The following CHRD variants were observed in gnomAD, a reference collection of about 807,000 sequenced individuals.
CHRD encodes the protein chordin.
In CHRD, 69 loss-of-function variants were observed where a neutral mutation model predicts 113.7. That is an observed-to-expected ratio of 0.61 (90% CI 0.50 to 0.74). The LOEUF is 0.74. Ranked by LOEUF, CHRD falls within the 30% of genes least tolerant of loss-of-function variation. The probability of loss-of-function intolerance (pLI) is 0.00; values close to 1 mark genes in which losing one functional copy is unlikely to be tolerated. For synonymous variants in CHRD, 561 were observed against 540.8 expected, an observed-to-expected ratio of 1.04 and a Z score of -0.52; for missense variants, 1,194 against 1,295.8, an observed-to-expected ratio of 0.92 and a Z score of 1.21.
chr3:184,383,330 G>C, exon 11 of CHRD: 1 of 1,613,806 alleles, frequency 6.2e-7, no homozygotes, highest in Non-Finnish European at 8.5e-7. Context: ...AGTGTCCTTT[G>C]TGGGGCTGAT....
chr3:184,380,987 G>T lies in CHRD; in HGVS notation c.252+192G>T. 1.4e-6 allele frequency: 1 copy of T among 733,072 alleles called. No homozygotes were observed. Among genetic ancestry groups the T allele is most frequent in the Non-Finnish European group, 2.4e-6 (1 of 413,446 alleles). 45.4% of individuals were successfully genotyped at this position (733,072 alleles called of 1,614,324 possible). A position where few individuals can be genotyped will look rare whatever the true frequency, so the allele number is the denominator to read the frequency against. On this transcript the variant is annotated intron_variant, in intron 2 of 22. Transcript: ENST00000204604. The surrounding 1 kb of genome is among the most constrained non-coding windows in gnomAD (Gnocchi z 6.3). ...TTACTGATCGCCCACTCTGTGTGAG[G>T]CTCTGTGCCAACTCCGTTTCGTTCC...
chr3:184,387,531 G>A lies in CHRD; in HGVS notation c.2451+54G>A. 1 of 1,485,072 alleles carries A rather than the reference G, an allele frequency of 6.7e-7. No homozygotes were observed. Among genetic ancestry groups the A allele is most frequent in the Non-Finnish European group, 9.0e-7 (1 of 1,106,456 alleles). 92.0% of individuals were successfully genotyped at this position (1,485,072 alleles called of 1,614,324 possible). On this transcript the variant is annotated intron_variant, in intron 19 of 22. Coordinates refer to ENST00000204604, the Ensembl canonical transcript of CHRD. The surrounding 1 kb of genome is among the most constrained non-coding windows in gnomAD (Gnocchi z 6.1). Reference sequence around the variant, plus strand: ...ATAACCCAGCGGGGTCTGCAGAGATGGGGAGGGGCTGCCAGGTGAGGAAGG... The same window carrying A: ...ATAACCCAGCGGGGTCTGCAGAGATAGGGAGGGGCTGCCAGGTGAGGAAGG...
chr3:184,382,142 C>A, intron 6 of CHRD, 122 bp downstream of exon 6: 14 of 1,364,224 alleles, frequency 1.0e-5, no homozygotes, highest in Non-Finnish European at 1.2e-5. Context: ...CATTATGATG[C>A]CCATTTTACA....
rs1403606195 is a variant in CHRD, at chr3:184,388,405, A to G, written c.2555-182A>G. Among the ~76,000 whole-genome samples the G allele has an allele frequency of 6.6e-6, 1 of 150,798 alleles. No homozygotes were observed. The highest frequency in any genetic ancestry group is 1.5e-5 in the Non-Finnish European group (1 of 67,878). On this transcript the variant is annotated intron_variant, in intron 20 of 22. Coordinates refer to ENST00000204604, the Ensembl canonical transcript of CHRD. The surrounding 1 kb of genome is among the most constrained non-coding windows in gnomAD (Gnocchi z 6.1). Reference sequence around the variant, plus strand: ...CATTGATGCATCCATCCATCCATCCATCCATCCATCCATCCATCCATCCAT... The same window carrying G: ...CATTGATGCATCCATCCATCCATCCGTCCATCCATCCATCCATCCATCCAT...
chr3:184,380,824 C>G lies in CHRD; in HGVS notation c.252+29C>G, dbSNP rs772927377. The G allele has an allele frequency of 1.1e-5, 17 of 1,527,112 alleles. No homozygotes were observed. The highest frequency in any genetic ancestry group is 1.4e-5 in the Non-Finnish European group (16 of 1,139,686). 94.6% of individuals were successfully genotyped at this position (1,527,112 alleles called of 1,614,324 possible). On this transcript the variant is annotated intron_variant, in intron 2 of 22. Coordinates refer to ENST00000204604, the Ensembl canonical transcript of CHRD. This position sits in a 1 kb window ranked among gnomAD's most constrained non-coding sequence, Gnocchi z 6.3. ...AGTGCACCCCGCGGCCGGCCCGGGC[C>G]CTGGCGGGTGGGGAGCGCCGGGTCG...
rs147419232 is a variant in CHRD, at chr3:184,384,650, C to T, written c.1554C>T (p.His518=). ...TCCCAGACGGAGAGCTTCGGGGGCACGTGGCTGCCCTGCCCTACTGTGGGC... is the reference window on the plus strand; with the variant it reads ...TCCCAGACGGAGAGCTTCGGGGGCATGTGGCTGCCCTGCCCTACTGTGGGC... Residue 518 remains histidine, a synonymous_variant, in exon 13 of 23, where the codon CAC becomes CAT. Coordinates refer to ENST00000204604, the Ensembl canonical transcript of CHRD. This position sits in a 1 kb window ranked among gnomAD's most constrained non-coding sequence, Gnocchi z 4.4. 1.1e-4 allele frequency: 183 copies of T among 1,600,244 alleles called. No homozygotes were observed. In the South Asian group the frequency reaches 1.6e-3, roughly 14 times the overall value.
chr3:184,387,543 C>T lies in CHRD; in HGVS notation c.2451+66C>T. On this transcript the variant is annotated intron_variant, in intron 19 of 22. Coordinates refer to ENST00000204604, the Ensembl canonical transcript of CHRD. This position sits in a 1 kb window ranked among gnomAD's most constrained non-coding sequence, Gnocchi z 6.1. ...GGTCTGCAGAGATGGGGAGGGGCTG[C>T]CAGGTGAGGAAGGCCCGTCCTTGGT... The T allele has an allele frequency of 7.0e-7, 1 of 1,426,252 alleles. No individual in the cohort carries two copies. Among genetic ancestry groups the T allele is most frequent in the Non-Finnish European group, 9.4e-7 (1 of 1,060,996 alleles). 88.3% of individuals were successfully genotyped at this position (1,426,252 alleles called of 1,614,324 possible).
Position 184,380,612 on chromosome 3 carries a change from ACCCGGGACCCGCGGGCAGCC to A in CHRD, c.149-73_149-54del. The A allele has an allele frequency of 1.7e-6, 2 of 1,212,102 alleles. No homozygotes were observed. The highest frequency in any genetic ancestry group is 3.8e-5 in the Admixed American group (1 of 26,200). The allele number at this position is 1,212,102 out of a possible 1,614,324, so 75.1% of individuals were successfully genotyped here. A position where few individuals can be genotyped will look rare whatever the true frequency, so the allele number is the denominator to read the frequency against. On this transcript the variant is annotated intron_variant, in intron 1 of 22. Transcript: ENST00000204604. This position sits in a 1 kb window ranked among gnomAD's most constrained non-coding sequence, Gnocchi z 6.3. ...GGGGCAGAAGGGCGCGGTGCCTGGG[ACCCGGGACCCGCGGGCAGCC>A]CCCGGGGCGGCACACGGCGCGAGCT...
Position 184,383,515 on chromosome 3 carries a change from C to T in CHRD, c.1321-8C>T. Reference sequence around the variant, plus strand: ...TCCACTTTGCCCTCCTCCATCCCTGCCCATCAGGTGCAAGTGGTAGGGACA... The same window carrying T: ...TCCACTTTGCCCTCCTCCATCCCTGTCCATCAGGTGCAAGTGGTAGGGACA... On this transcript the variant is annotated splice_region_variant and splice_polypyrimidine_tract_variant and intron_variant, in intron 11 of 22. Transcript: ENST00000204604. 2 of 1,613,770 alleles carry T rather than the reference C, an allele frequency of 1.2e-6. No individual in the cohort carries two copies. The highest frequency in any genetic ancestry group is 2.2e-5 in the South Asian group (2 of 91,016).
In CHRD at chr3:184,387,559, C is replaced by T. The variant is rs187215373; in HGVS notation, c.2451+82C>T. On this transcript the variant is annotated intron_variant, in intron 19 of 22. Transcript: ENST00000204604. This position sits in a 1 kb window ranked among gnomAD's most constrained non-coding sequence, Gnocchi z 6.1. Reference sequence around the variant, plus strand: ...GAGGGGCTGCCAGGTGAGGAAGGCCCGTCCTTGGTGAGGAGGGCTCAAGAA... The same window carrying T: ...GAGGGGCTGCCAGGTGAGGAAGGCCTGTCCTTGGTGAGGAGGGCTCAAGAA... 310 of 1,298,676 alleles carry T rather than the reference C, an allele frequency of 2.4e-4. No homozygotes were observed. In the African/African-American group the frequency reaches 3.3e-3, roughly 14 times the overall value. 80.4% of individuals were successfully genotyped at this position (1,298,676 alleles called of 1,614,324 possible). A position where few individuals can be genotyped will look rare whatever the true frequency, so the allele number is the denominator to read the frequency against.
rs1438848620 is a variant in CHRD, at chr3:184,387,006, T to G, written c.2291-45T>G. ...GCGGACAGGTCCTTTGGGGAGGGAA[T>G]GAGGGTGGTCACTCTCTGCTTTCAC... On this transcript the variant is annotated intron_variant, in intron 17 of 22. Coordinates refer to ENST00000204604, the Ensembl canonical transcript of CHRD. The surrounding 1 kb of genome is among the most constrained non-coding windows in gnomAD (Gnocchi z 6.1). 2 of 1,613,540 alleles carry G rather than the reference T, an allele frequency of 1.2e-6. No individual in the cohort carries two copies. Among genetic ancestry groups the G allele is most frequent in the South Asian group, 1.1e-5 (1 of 91,064 alleles).
Position 184,384,981 on chromosome 3 carries a change from C to T in CHRD, c.1598-37C>T. The T allele has an allele frequency of 6.2e-7, 1 of 1,602,188 alleles. No individual in the cohort carries two copies. Among genetic ancestry groups the T allele is most frequent in the Non-Finnish European group, 8.5e-7 (1 of 1,171,186 alleles). Reference sequence around the variant, plus strand: ...GGGTTTGAGGGCTTGCCCTAGGCCACCTTCTCACCTGTCATCTCTCCTCTG... The same window carrying T: ...GGGTTTGAGGGCTTGCCCTAGGCCATCTTCTCACCTGTCATCTCTCCTCTG... On this transcript the variant is annotated intron_variant, in intron 13 of 22. Transcript: ENST00000204604. The surrounding 1 kb of genome is among the most constrained non-coding windows in gnomAD (Gnocchi z 4.4).
Position 184,384,504 on chromosome 3 carries a change from G to A in CHRD, c.1441-33G>A, listed in dbSNP as rs1715975322. 1.4e-6 allele frequency: 2 copies of A among 1,458,498 alleles called. No individual in the cohort carries two copies. Among genetic ancestry groups the A allele is most frequent in the African/African-American group, 2.8e-5 (2 of 70,640 alleles). 90.3% of individuals were successfully genotyped at this position (1,458,498 alleles called of 1,614,324 possible). A position where few individuals can be genotyped will look rare whatever the true frequency, so the allele number is the denominator to read the frequency against. On this transcript the variant is annotated intron_variant, in intron 12 of 22. Coordinates refer to ENST00000204604, the Ensembl canonical transcript of CHRD. The surrounding 1 kb of genome is among the most constrained non-coding windows in gnomAD (Gnocchi z 4.4). The stretch of plus-strand genomic sequence containing the variant: ...ACTTCAGAACCTTGGACTCGTGTGA[G>A]AGCTGAGAAGGCCTATCCTCCCCTG...
At position 184,384,398 on chromosome 3, in the gene CHRD, C is replaced by T. The variant is rs891090997; in HGVS notation, c.1441-139C>T. The stretch of plus-strand genomic sequence containing the variant: ...GAAGCAGCAGGGGAGGGCCTTGAAA[C>T]TGGGCCTGCCAGGTCCTTATCCTGT... On this transcript the variant is annotated intron_variant, in intron 12 of 22. Coordinates refer to ENST00000204604, the Ensembl canonical transcript of CHRD. The surrounding 1 kb of genome is among the most constrained non-coding windows in gnomAD (Gnocchi z 4.4). 9.7e-7 allele frequency: 1 copy of T among 1,029,584 alleles called. No homozygotes were observed. Among genetic ancestry groups the T allele is most frequent in the African/African-American group, 1.6e-5 (1 of 61,028 alleles). The allele number at this position is 1,029,584 out of a possible 1,614,324, so 63.8% of individuals were successfully genotyped here. A position where few individuals can be genotyped will look rare whatever the true frequency, so the allele number is the denominator to read the frequency against.
chr3:184,383,195 C>A (rs754530706), intron 10 of CHRD, 32 bp downstream of exon 10: 2 of 1,591,828 alleles, frequency 1.3e-6, no homozygotes, highest in Non-Finnish European at 1.7e-6. Flanking sequence ...GTGCGCCGGG[C>A]ATGCACAACT....
rs1302012602 is a variant in CHRD, at chr3:184,380,477, GC to G, written c.148+14del. On this transcript the variant is annotated intron_variant, in intron 1 of 22. Coordinates refer to ENST00000204604, the Ensembl canonical transcript of CHRD. This position sits in a 1 kb window ranked among gnomAD's most constrained non-coding sequence, Gnocchi z 6.3. Reference sequence around the variant, plus strand: ...TTCGGGGAGCGGCAGGTAGGTGGGCGCCCGGGGGAGGCGCGGGCGGGGAGTC... The same window carrying G: ...TTCGGGGAGCGGCAGGTAGGTGGGCGCCGGGGGAGGCGCGGGCGGGGAGTC... 2.5e-6 allele frequency: 3 copies of G among 1,178,430 alleles called. No homozygotes were observed. The highest frequency in any genetic ancestry group is 3.3e-5 in the African/African-American group (2 of 61,404). 73.0% of individuals were successfully genotyped at this position (1,178,430 alleles called of 1,614,324 possible).
At position 184,386,449 on chromosome 3, in the gene CHRD, G is replaced by A. The variant is rs761403130; in HGVS notation, c.1933-43G>A. 5.9e-5 allele frequency: 90 copies of A among 1,530,336 alleles called. No individual in the cohort carries two copies. In the African/African-American group the frequency reaches 1.1e-3, roughly 19 times the overall value. The allele number at this position is 1,530,336 out of a possible 1,614,324, so 94.8% of individuals were successfully genotyped here. A position where few individuals can be genotyped will look rare whatever the true frequency, so the allele number is the denominator to read the frequency against. On this transcript the variant is annotated intron_variant, in intron 15 of 22. Transcript: ENST00000204604. Reference sequence around the variant, plus strand: ...GGCCAGCTGCCGCTGGTAAAGACGCGAGGGGGAGCCCCAGCGCTGCCTCAG... The same window carrying A: ...GGCCAGCTGCCGCTGGTAAAGACGCAAGGGGGAGCCCCAGCGCTGCCTCAG...
In CHRD at chr3:184,388,012, G is replaced by A. The variant is rs201955458; in HGVS notation, c.2533G>A (p.Asp845Asn). 36 of 1,613,502 alleles carry A rather than the reference G, an allele frequency of 2.2e-5. No homozygotes were observed. The highest frequency in any genetic ancestry group is 1.8e-4 in the Admixed American group (11 of 59,940). The change falls in exon 20 of 23, where the codon GAC (aspartate) becomes AAC (asparagine). Residue 845 changes from aspartate to asparagine, a missense_variant. Coordinates refer to ENST00000204604, the Ensembl canonical transcript of CHRD. This position sits in a 1 kb window ranked among gnomAD's most constrained non-coding sequence, Gnocchi z 6.1. ...CCAGCCTGTGCGTGTCAACCCCACC[G>A]ACTGCTGCAAACAGTGTCCAGGTGA...
intron 10 of CHRD, 33 bp downstream of exon 10, chr3:184,383,196 A>T: frequency 6.3e-7 from 1 of 1,592,810 alleles, no homozygotes; most frequent in Non-Finnish European, 8.6e-7. Flanking sequence ...TGCGCCGGGC[A>T]TGCACAACTG....
Sources: gnomAD v4.1 joint callset for allele counts (sites outside exome capture counted in the v4.1 genomes callset) on GRCh38, gnomAD v4.1.1 for gene constraint, Gnocchi (gnomAD v3.1) non-coding constraint, MANE v1.5 for transcripts, NCBI Gene and HGNC (gene_info 2026-07-23, HGNC 2026-07-21) for gene names.